Variants in SCP2 observed in about 807,000 individuals in gnomAD.
The protein encoded by SCP2 is sterol carrier protein 2.
A neutral mutation model predicts 71.4 loss-of-function variants in SCP2; 48 were observed. The ratio of observed to expected loss-of-function variants is 0.67; its 90% CI spans 0.53 to 0.86. SCP2 has a LOEUF of 0.86. Ranked by LOEUF, SCP2 falls within the 40% of genes least tolerant of loss-of-function variation. The pLI is 0.00. For missense variants in SCP2, 560 were observed against 655.6 expected, an observed-to-expected ratio of 0.85 and a Z score of 1.59; for synonymous variants, 220 against 218.1, an observed-to-expected ratio of 1.01 and a Z score of -0.08.
intron 11 of SCP2, among the ~76,000 whole-genome samples, chr1:53,005,085 C>G (rs12566048): frequency 6.6e-6 from 1 of 152,130 alleles, no homozygotes; most frequent in Non-Finnish European, 1.5e-5. Context: ...GAGGGGCATC[C>G]GCCTTTGCTG....
chr1:53,020,951 T>C (rs1661675864), intron 12 of SCP2, among the ~76,000 whole-genome samples: 1 of 152,166 alleles, frequency 6.6e-6, no homozygotes, highest in African/African-American at 2.4e-5. Flanking sequence ...GTTTTAGGGA[T>C]GAAGGTTTGA....
chr1:53,037,904 A>ACACACACACACACACC (rs1553155263), intron 13 of SCP2, among the ~76,000 whole-genome samples: 20 of 127,312 alleles, frequency 1.6e-4, no homozygotes, highest in African/African-American at 6.3e-4. Flanking sequence ...ACACACACAC[A>ACACACACACACACACC]CACACACACA....
intron 6 of SCP2, among the ~76,000 whole-genome samples, chr1:52,966,456 T>A (rs1656962214): frequency 1.3e-5 from 2 of 152,174 alleles, no homozygotes; most frequent in Admixed American, 6.5e-5. Context: ...TGCCGGTTGA[T>A]CATGGTGTAT....
rs1656445499 is a variant in SCP2 at position 52,961,524 on chromosome 1, A to G, written c.418A>G (p.Thr140Ala). 8 of 1,613,766 alleles carry G rather than the reference A, an allele frequency of 5.0e-6. No individual in the cohort carries two copies. The highest frequency in any genetic ancestry group is 6.8e-6 in the Non-Finnish European group (8 of 1,179,810). ...GIKFSDRTIPTDKHVDLLINK... is the reference protein window; with the variant it reads ...GIKFSDRTIPADKHVDLLINK... ...TTAGTTTTCAGATAGAACCATTCCC[A>G]CTGATAAGCATGTTGACCTCCTGAT... Residue 140 changes from threonine to alanine, a missense_variant, in exon 6 of 16, where the codon ACT (threonine) becomes GCT (alanine). Around this residue, in one of 3 missense-constraint regions of SCP2, gnomAD observed 513 missense variants for 573.1 expected, o/e 0.90. Coordinates refer to ENST00000371514, the MANE Select transcript of SCP2 (RefSeq NM_002979.5).
chr1:52,959,592 TTA>T (rs1322423535), intron 5 of SCP2, among the ~76,000 whole-genome samples: 6 of 152,128 alleles, frequency 3.9e-5, no homozygotes, highest in Non-Finnish European at 8.8e-5. Context: ...TCTTCTGAGT[TTA>T]TATATAAATA....
chr1:53,023,448 A>G (rs1292767273), intron 12 of SCP2, among the ~76,000 whole-genome samples: 1 of 152,230 alleles, frequency 6.6e-6, no homozygotes, highest in Non-Finnish European at 1.5e-5. Context: ...TGAATGGAAC[A>G]GGAAGGAATT....
chr1:52,976,898 C>A, intron 8 of SCP2, 129 bp downstream of exon 8: 2 of 655,070 alleles, frequency 3.1e-6, no homozygotes, highest in Admixed American at 2.4e-5. Flanking sequence ...GTGCCGTCCC[C>A]ACTCTGGGTC....
At chr1:52,976,859 T>C (rs1658016893) in intron 8 of SCP2, 90 bp downstream of exon 8, 1 of 754,938 alleles carries the variant, frequency 1.3e-6, no homozygotes, top group Non-Finnish European at 2.4e-6. Flanking sequence ...GCTCTGCATC[T>C]GGGCGGAGCT....
At chr1:53,028,577 C>T (rs1345814818) in intron 13 of SCP2, among the ~76,000 whole-genome samples, 1 of 151,494 alleles carries the variant, frequency 6.6e-6, no homozygotes, top group East Asian at 1.9e-4. Context: ...AAATACTATA[C>T]AGAAATATAT....
intron 11 of SCP2, among the ~76,000 whole-genome samples, chr1:53,008,653 ACAAACC>A (rs1214340523): frequency 9.2e-5 from 14 of 152,208 alleles, no homozygotes; most frequent in Non-Finnish European, 2.1e-4. Context: ...GCTATTTATG[ACAAACC>A]CACAGCCAAT....
intron 12 of SCP2, among the ~76,000 whole-genome samples, chr1:53,022,351 T>C (rs1254921195): frequency 6.6e-6 from 1 of 152,246 alleles, no homozygotes; most frequent in African/African-American, 2.4e-5. Flanking sequence ...CCACATTCTG[T>C]CATTACTTCT....
At chr1:52,980,638 C>G in intron 10 of SCP2, 95 bp downstream of exon 10, 1 of 1,262,594 alleles carries the variant, frequency 7.9e-7, no homozygotes, top group South Asian at 1.2e-5. Context: ...TTCACTTTTC[C>G]CTTAACGTTG....
chr1:52,961,080 T>A (rs1430159451), intron 5 of SCP2, among the ~76,000 whole-genome samples: 1 of 149,994 alleles, frequency 6.7e-6, no homozygotes, highest in East Asian at 2.0e-4. Context: ...TTTTTTTTTT[T>A]TTTTTTTTTA....
At chr1:53,003,222 C>CT (rs1158489646) in intron 11 of SCP2, among the ~76,000 whole-genome samples, 1 of 152,082 alleles carries the variant, frequency 6.6e-6, no homozygotes. Flanking sequence ...TATTTCTTTT[C>CT]TTTTTTTATT....
At chr1:52,953,060 C>CTTTTTTTTT (rs570429324) in intron 4 of SCP2, among the ~76,000 whole-genome samples, 7 of 103,656 alleles carry the variant, frequency 6.8e-5, no homozygotes, top group East Asian at 2.7e-4. Context: ...GCAATTCTGT[C>CTTTTTTTTT]TTTTTTTTTT....
At chr1:52,958,401 G>T (rs13374636) in intron 5 of SCP2, among the ~76,000 whole-genome samples, 6,025 of 151,712 alleles carry the variant, frequency 0.04, 371 homozygotes, top group African/African-American at 0.13. Flanking sequence ...GGGCTAATTT[G>T]TGTATTTTTA....
chr1:52,965,897 C>T lies in SCP2; in HGVS notation c.523+4268C>T, dbSNP rs112692050. On this transcript the variant is annotated intron_variant, in intron 6 of 15. Coordinates refer to ENST00000371514, the MANE Select transcript of SCP2 (RefSeq NM_002979.5). ...CTGACTTCAAGTGATCCACCTGCCT[C>T]AGCATCCCGAAGTGCTGGGATTACA... Among the ~76,000 whole-genome samples the T allele has an allele frequency of 5.9e-5, 9 of 152,026 alleles. 1 individual carries two copies. Among genetic ancestry groups the T allele is most frequent in the African/African-American group, 2.2e-4 (9 of 41,456 alleles).
chr1:53,037,874 CTACA>C (rs1419393288), intron 13 of SCP2, among the ~76,000 whole-genome samples: 2 of 121,530 alleles, frequency 1.6e-5, no homozygotes, highest in East Asian at 2.3e-4. Context: ...GATCCTGTCT[CTACA>C]TACACACACA....
intron 12 of SCP2, among the ~76,000 whole-genome samples, chr1:53,017,007 A>G (rs1452501342): frequency 2.0e-5 from 3 of 152,208 alleles, no homozygotes; most frequent in Admixed American, 2.0e-4. Flanking sequence ...AGGGCTGTGA[A>G]CAACTACATT....
Sources: allele counts gnomAD v4.1 joint callset (sites outside exome capture counted in the v4.1 genomes callset), GRCh38; gene constraint gnomAD v4.1.1; regional missense constraint gnomAD v4.1.1; transcripts MANE v1.5; gene names NCBI Gene and HGNC (gene_info 2026-07-23, HGNC 2026-07-21).